PCSK1: variants seen among roughly 807,000 people sequenced by gnomAD.
The protein encoded by PCSK1 is proprotein convertase subtilisin/kexin type 1, also known as neuroendocrine convertase 1.
Under a neutral mutation model 90.6 loss-of-function variants are expected in PCSK1, and 56 were observed. The observed-to-expected ratio is 0.62, with a 90% CI of 0.50 to 0.77. The LOEUF (loss-of-function observed/expected upper bound fraction) is 0.77. PCSK1 is among the 30% of genes least tolerant of loss of function. PCSK1 has a pLI of 0.00. For synonymous variants in PCSK1, 348 were observed against 342.4 expected (o/e 1.02, Z -0.18); for missense variants, 801 against 932.6 (o/e 0.86, Z 1.84).
At chr5:96,399,877 T>C in intron 10 of PCSK1, 76 bp downstream of exon 10, 1 of 1,167,496 alleles carries the variant, frequency 8.6e-7, no homozygotes. Context: ...TACAAAAAAA[T>C]CAGGCAGAAT....
chr5:96,431,174 C>A (rs995687087), intron 1 of PCSK1, among the ~76,000 whole-genome samples: 3 of 152,178 alleles, frequency 2.0e-5, no homozygotes, highest in African/African-American at 7.2e-5. Context: ...TCCTCTGCTA[C>A]TCATACCCTC....
intron 12 of PCSK1, among the ~76,000 whole-genome samples, chr5:96,396,851 G>T (rs1298464905): frequency 6.6e-6 from 1 of 152,186 alleles, no homozygotes; most frequent in African/African-American, 2.4e-5. Flanking sequence ...TTTGTTTCAT[G>T]ACTAAAACTG....
chr5:96,420,576 A>AGGAAGAAGT (rs1554059380), intron 5 of PCSK1, among the ~76,000 whole-genome samples: 13 of 152,116 alleles, frequency 8.5e-5, no homozygotes, highest in African/African-American at 3.1e-4. Flanking sequence ...ATTTTCCCCA[A>AGGAAGAAGT]GGAAGAAATA....
At chr5:96,404,508 T>A (rs537952759) in intron 9 of PCSK1, among the ~76,000 whole-genome samples, 1 of 152,314 alleles carries the variant, frequency 6.6e-6, no homozygotes, top group Admixed American at 6.5e-5. Context: ...CCTTTTCTCC[T>A]CCCATTCCCC....
In PCSK1 at chr5:96,421,966, C is replaced by G; in HGVS notation, c.544-10G>C. Reference sequence around the variant, plus strand: ...AGCTAGCCTCTGGATCCTAAAGAGACAACAAAATATAACACTGTGGCAGCA... The same window carrying G: ...AGCTAGCCTCTGGATCCTAAAGAGAGAACAAAATATAACACTGTGGCAGCA... On this transcript the variant is annotated splice_polypyrimidine_tract_variant and intron_variant, in intron 4 of 13. Coordinates refer to ENST00000311106, the MANE Select transcript of PCSK1 (RefSeq NM_000439.5). 1 of 497,416 alleles carries G rather than the reference C, an allele frequency of 2.0e-6. No homozygotes were observed. Among genetic ancestry groups the G allele is most frequent in the Non-Finnish European group, 3.3e-6 (1 of 303,186 alleles). The allele number at this position is 497,416 out of a possible 1,614,324, so 30.8% of individuals were successfully genotyped here. A position where few individuals can be genotyped will look rare whatever the true frequency, so the allele number is the denominator to read the frequency against.
rs573959521 is a variant in PCSK1, at chr5:96,425,774, G to GCCAGGTC, written c.396+39_396+45dup. ...GTTGCAAATGTAACAACATAAAGAA[G>GCCAGGTC]CCAGGTCCCAGGTCCCACCCACATA... is the stretch of plus-strand genomic sequence containing the variant. On this transcript the variant is annotated intron_variant, in intron 3 of 13. Coordinates refer to ENST00000311106, the MANE Select transcript of PCSK1 (RefSeq NM_000439.5). 9.4e-5 allele frequency: 97 copies of GCCAGGTC among 1,028,982 alleles called. No individual in the cohort carries two copies. The Admixed American group carries it at 1.1e-3, about 12-fold the overall frequency. The allele number at this position is 1,028,982 out of a possible 1,614,324, so 63.7% of individuals were successfully genotyped here. A position where few individuals can be genotyped will look rare whatever the true frequency, so the allele number is the denominator to read the frequency against.
intron 5 of PCSK1, among the ~76,000 whole-genome samples, chr5:96,419,414 CCTCTCT>C (rs763565418): frequency 1.5e-5 from 2 of 129,124 alleles, no homozygotes; most frequent in Admixed American, 7.7e-5. Context: ...TCACTTAATA[CCTCTCT>C]CTCTCTCTCT....
chr5:96,392,864 A>T lies in PCSK1; in HGVS notation c.*137T>A. ...CTCATCCCCTTCACATGTACAGTTT[A>T]GGGAGAAAAAGAAAAGGTGCCACAA... On this transcript the variant is annotated 3_prime_UTR_variant, in exon 14 of 14. Coordinates refer to ENST00000311106, the MANE Select transcript of PCSK1 (RefSeq NM_000439.5). 1 of 859,558 alleles carries T rather than the reference A, an allele frequency of 1.2e-6. No individual in the cohort carries two copies. Among genetic ancestry groups the T allele is most frequent in the Non-Finnish European group, 1.9e-6 (1 of 521,778 alleles). 53.2% of individuals were successfully genotyped at this position (859,558 alleles called of 1,614,324 possible). A position where few individuals can be genotyped will look rare whatever the true frequency, so the allele number is the denominator to read the frequency against.
intron 6 of PCSK1, among the ~76,000 whole-genome samples, chr5:96,413,362 C>T (rs114584018): frequency 5.9e-4 from 90 of 152,290 alleles, no homozygotes; most frequent in African/African-American, 2.1e-3. Flanking sequence ...AGGCAGCTAC[C>T]TGGTTATTTC....
intron 5 of PCSK1, among the ~76,000 whole-genome samples, chr5:96,418,942 C>T (rs1348513433): frequency 1.3e-5 from 2 of 152,116 alleles, no homozygotes; most frequent in African/African-American, 4.8e-5. Flanking sequence ...AGGTCTACCT[C>T]AGTTACTAAA....
intron 1 of PCSK1, chr5:96,432,235 A>G (rs1161583487): frequency 1.0e-6 from 1 of 969,098 alleles, no homozygotes; most frequent in African/African-American, 1.6e-5. Flanking sequence ...GCGGGGATAG[A>G]TGGTCCCGTG....
At chr5:96,395,664 A>T (rs150894962) in intron 12 of PCSK1, among the ~76,000 whole-genome samples, 2 of 152,162 alleles carry the variant, frequency 1.3e-5, no homozygotes, top group African/African-American at 4.8e-5. Flanking sequence ...AAGGGGAGGG[A>T]TAGCATTAGG....
intron 8 of PCSK1, among the ~76,000 whole-genome samples, chr5:96,408,980 C>T (rs1000760889): frequency 1.3e-5 from 2 of 152,178 alleles, no homozygotes; most frequent in Admixed American, 6.5e-5. Context: ...GATTTGTCCT[C>T]GGGCAAGTCA....
rs1243617349 is a variant in PCSK1, at chr5:96,398,864, A to C, written c.1588+15T>G. The C allele has an allele frequency of 6.2e-7, 1 of 1,606,476 alleles. No individual in the cohort carries two copies. The highest frequency in any genetic ancestry group is 1.3e-5 in the African/African-American group (1 of 74,906). On this transcript the variant is annotated intron_variant, in intron 11 of 13. Coordinates refer to ENST00000311106, the MANE Select transcript of PCSK1 (RefSeq NM_000439.5). ...CACTTAAAAATATAAATGGCTTAGA[A>C]CTTTTTTAATTTACCAGCAGCAGAA... is the stretch of plus-strand genomic sequence containing the variant.
chr5:96,414,290 A>G (rs980126581), intron 6 of PCSK1, among the ~76,000 whole-genome samples: 1 of 152,170 alleles, frequency 6.6e-6, no homozygotes, highest in Non-Finnish European at 1.5e-5. Flanking sequence ...TGCAGCCACC[A>G]ATCCACAGGC....
intron 6 of PCSK1, among the ~76,000 whole-genome samples, chr5:96,414,541 A>G (rs1421612711): frequency 6.6e-6 from 1 of 152,206 alleles, no homozygotes; most frequent in Non-Finnish European, 1.5e-5. Flanking sequence ...TAGGTGCCTA[A>G]TAAATGAAGA....
chr5:96,398,508 T>C (rs144031641), intron 11 of PCSK1, among the ~76,000 whole-genome samples: 1 of 152,206 alleles, frequency 6.6e-6, no homozygotes. Flanking sequence ...AATGGACTCC[T>C]TGTATGTTTC....
At chr5:96,415,828 A>G (rs1475477727) in intron 6 of PCSK1, among the ~76,000 whole-genome samples, 1 of 151,904 alleles carries the variant, frequency 6.6e-6, no homozygotes, top group Non-Finnish European at 1.5e-5. Flanking sequence ...GCAAAGATGT[A>G]TAGGCTATAT....
chr5:96,425,053 AAAG>A (rs1381730816), intron 3 of PCSK1, among the ~76,000 whole-genome samples: 41 of 127,124 alleles, frequency 3.2e-4, no homozygotes, highest in African/African-American at 1.3e-3. Flanking sequence ...AGAAAGAAAG[AAAG>A]AAAGAAAGAA....
Sources: gnomAD v4.1 joint callset for allele counts (sites outside exome capture counted in the v4.1 genomes callset) on GRCh38, gnomAD v4.1.1 for gene constraint, MANE v1.5 for transcripts, NCBI Gene and HGNC (gene_info 2026-07-23, HGNC 2026-07-21) for gene names.